Variants in DSC3 observed in about 807,000 individuals in gnomAD.
The protein encoded by DSC3 is desmocollin 3.
In DSC3, 97 loss-of-function variants were observed where a neutral mutation model predicts 89.5. That is an observed-to-expected ratio of 1.08 (90% CI 0.92 to 1.28). The LOEUF is 1.28. Ranked by LOEUF, DSC3 falls within the 50% of genes most tolerant of loss-of-function variation. The pLI is 0.00. For missense variants in DSC3, 1,199 were observed against 1,085.3 expected (o/e 1.10, Z -1.47); for synonymous variants, 436 against 384.1 (o/e 1.14, Z -1.58).
intron 9 of DSC3, among the ~76,000 whole-genome samples, chr18:31,013,785 A>G (rs1985147094): frequency 6.6e-6 from 1 of 152,136 alleles, no homozygotes. Flanking sequence ...ATGTGTGTAC[A>G]TTTCTGATGA....
intron 6 of DSC3, 119 bp from the exon 7 acceptor site, chr18:31,022,621 A>G: frequency 8.3e-7 from 1 of 1,197,990 alleles, no homozygotes; most frequent in Non-Finnish European, 1.2e-6. Context: ...AAATGTATTT[A>G]TTACCAGAGT....
At chr18:31,042,315 G>A (rs564842932) in intron 1 of DSC3, among the ~76,000 whole-genome samples, 5 of 152,156 alleles carry the variant, frequency 3.3e-5, no homozygotes, top group Non-Finnish European at 5.9e-5. Flanking sequence ...CCGCGACGGC[G>A]CCCGCCAGAG....
intron 1 of DSC3, among the ~76,000 whole-genome samples, chr18:31,036,798 C>CTTT: frequency 9.3e-6 from 1 of 107,436 alleles, no homozygotes; most frequent in South Asian, 4.0e-4. Flanking sequence ...TTCTTTCTTC[C>CTTT]TTTTTTTTTT....
In DSC3 at chr18:31,024,273, TA is replaced by T. The variant is rs1051335578; in HGVS notation, c.775+75del. The T allele has an allele frequency of 2.4e-5, 34 of 1,407,066 alleles. No homozygotes were observed. In the African/African-American group the frequency reaches 4.3e-4, roughly 18 times the overall value. The allele number at this position is 1,407,066 out of a possible 1,614,324, so 87.2% of individuals were successfully genotyped here. ...TCTCAGGCTGATCTGGCCTTGAGTA[TA>T]AAAAGCTCTATGTCTTTTAAAATGT... On this transcript the variant is annotated intron_variant, in intron 6 of 15. Transcript: ENST00000360428.
rs990544888 is a variant in DSC3 at position 30,991,003 on chromosome 18, A to G, written c.*3172T>C. The G allele has an allele frequency of 2.0e-5, 3 of 152,262 alleles. No individual in the cohort carries two copies. The highest frequency in any genetic ancestry group is 1.3e-4 in the Admixed American group (2 of 15,280). 9.4% of individuals were successfully genotyped at this position (152,262 alleles called of 1,614,324 possible). A position where few individuals can be genotyped will look rare whatever the true frequency, so the allele number is the denominator to read the frequency against. On this transcript the variant is annotated 3_prime_UTR_variant, in exon 16 of 16. Coordinates refer to ENST00000360428, the MANE Select transcript of DSC3 (RefSeq NM_001941.5). Reference sequence around the variant, plus strand: ...TTCTATTTCCATGCCAGCCATAAGCATAATTTTGCAAAGTGATCATCTTAG... The same window carrying G: ...TTCTATTTCCATGCCAGCCATAAGCGTAATTTTGCAAAGTGATCATCTTAG...
At chr18:31,024,686 T>C (rs1015513078) in intron 5 of DSC3, among the ~76,000 whole-genome samples, 193 bp from the exon 6 acceptor site, 8 of 152,134 alleles carry the variant, frequency 5.3e-5, no homozygotes, top group African/African-American at 1.9e-4. Flanking sequence ...CAGTATGTGA[T>C]GGAAATGGCT....
chr18:31,023,516 A>T (rs115821829), intron 6 of DSC3, among the ~76,000 whole-genome samples: 1,740 of 152,280 alleles, frequency 0.011, 34 homozygotes, highest in African/African-American at 0.04. Flanking sequence ...TTAAATTTTT[A>T]AAATTGTACC....
chr18:31,000,310 T>C (rs1984609693), intron 14 of DSC3, among the ~76,000 whole-genome samples: 1 of 152,200 alleles, frequency 6.6e-6, no homozygotes, highest in Non-Finnish European at 1.5e-5. Flanking sequence ...AAATATTTCT[T>C]ATTCATCCCT....
rs1984500729 is a variant in DSC3 at position 30,997,055 on chromosome 18, T to A, written c.2236-7A>T. 10 of 1,614,084 alleles carry A rather than the reference T, an allele frequency of 6.2e-6. No homozygotes were observed. Among genetic ancestry groups the A allele is most frequent in the Non-Finnish European group, 7.6e-6 (9 of 1,179,976 alleles). On this transcript the variant is annotated splice_polypyrimidine_tract_variant and splice_region_variant and intron_variant, in intron 14 of 15. Coordinates refer to ENST00000360428, the MANE Select transcript of DSC3 (RefSeq NM_001941.5). ...TAAATCCATTGGCAGAGCACTGAAA[T>A]AATAAAATGAAATAATTCATGTTGA...
At chr18:31,016,250 C>T (rs1003156455) in intron 9 of DSC3, among the ~76,000 whole-genome samples, 1 of 152,120 alleles carries the variant, frequency 6.6e-6, no homozygotes, top group South Asian at 2.1e-4. Flanking sequence ...AGTGAGCAGC[C>T]CTGCTCTGTC....
In DSC3 at chr18:31,008,008, T is replaced by C. The variant is rs777433141; in HGVS notation, c.1663+8A>G. ...TTATAGAATACCAGATTAAAACTTT[T>C]TTTTTACCTTTGTCTATTGCCAGGA... On this transcript the variant is annotated splice_region_variant and intron_variant, in intron 11 of 15. Coordinates refer to ENST00000360428, the MANE Select transcript of DSC3 (RefSeq NM_001941.5). 1 of 1,610,634 alleles carries C rather than the reference T, an allele frequency of 6.2e-7. No homozygotes were observed.
chr18:31,037,626 G>A (rs994179856), intron 1 of DSC3, among the ~76,000 whole-genome samples: 6 of 152,096 alleles, frequency 3.9e-5, no homozygotes, highest in Non-Finnish European at 5.9e-5. Flanking sequence ...TCTTGGCCAG[G>A]CGCAGTGGCT....
At chr18:30,997,135 C>T in intron 14 of DSC3, 87 bp from the exon 15 acceptor site, 1 of 1,499,242 alleles carries the variant, frequency 6.7e-7, no homozygotes, top group Non-Finnish European at 9.2e-7. Context: ...AATATTTGTT[C>T]AACCTTTTAT....
At chr18:31,008,184 T>A in intron 10 of DSC3, 26 bp from the exon 11 acceptor site, 1 of 1,607,190 alleles carries the variant, frequency 6.2e-7, no homozygotes, top group Non-Finnish European at 8.5e-7. Context: ...AAATAGTCTT[T>A]AGCATCAGAA....
chr18:31,025,993 CT>C, intron 4 of DSC3, 78 bp from the exon 5 acceptor site: 1 of 1,305,718 alleles, frequency 7.7e-7, no homozygotes, highest in Non-Finnish European at 1.1e-6. Context: ...GCTGATGTAT[CT>C]TTTTATTTTA....
chr18:31,017,971 C>T, intron 9 of DSC3, 100 bp downstream of exon 9: 1 of 1,007,878 alleles, frequency 9.9e-7, no homozygotes, highest in Non-Finnish European at 1.5e-6. Context: ...AATTTTCTTC[C>T]AACTTGTAGA....
chr18:31,042,401 G>A (rs950055071), intron 1 of DSC3, among the ~76,000 whole-genome samples, 191 bp downstream of exon 1: 1 of 152,216 alleles, frequency 6.6e-6, no homozygotes, highest in African/African-American at 2.4e-5. Context: ...TCAGTCCAGA[G>A]TCGACCCGCA....
rs1037009949 is a variant in DSC3 at position 31,024,937 on chromosome 18, A to T, written c.631-444T>A. On this transcript the variant is annotated intron_variant, in intron 5 of 15. Transcript: ENST00000360428. ...CCTAATAGACCACATATTTGTAAGAATTTTTCTGACAAAATACATGTACTA... is the reference window on the plus strand; with the variant it reads ...CCTAATAGACCACATATTTGTAAGATTTTTTCTGACAAAATACATGTACTA... Among the ~76,000 whole-genome samples, 149 of 152,276 alleles carry T rather than the reference A, an allele frequency of 9.8e-4. 1 individual carries two copies. The highest frequency in any genetic ancestry group is 3.4e-3 in the African/African-American group (140 of 41,564).
At chr18:31,024,704 A>G (rs1028564136) in intron 5 of DSC3, among the ~76,000 whole-genome samples, 2 of 152,170 alleles carry the variant, frequency 1.3e-5, no homozygotes, top group Non-Finnish European at 2.9e-5. Context: ...GCTATCGCAA[A>G]TAAAACCTAG....
Sources: gnomAD v4.1 joint callset for allele counts (sites outside exome capture counted in the v4.1 genomes callset) on GRCh38, gnomAD v4.1.1 for gene constraint, MANE v1.5 for transcripts, NCBI Gene and HGNC (gene_info 2026-07-23, HGNC 2026-07-21) for gene names.